Variants in USP10 observed in about 807,000 individuals in gnomAD.
USP10 encodes ubiquitin specific peptidase 10.
In USP10, 22 loss-of-function variants were observed where a neutral mutation model predicts 84.5. The observed-to-expected ratio is 0.26, with a 90% confidence interval of 0.19 to 0.37. USP10 has a LOEUF of 0.37. USP10 is among the 10% of genes least tolerant of loss of function. The probability of loss-of-function intolerance (pLI) is 1.00; values close to 1 mark genes in which losing one functional copy is unlikely to be tolerated. For missense variants in USP10, 1,019 were observed against 998.9 expected, an observed-to-expected ratio of 1.02 and a Z score of -0.27; for synonymous variants, 454 against 387.6, an observed-to-expected ratio of 1.17 and a Z score of -2.01.
intron 1 of USP10, among the ~76,000 whole-genome samples, chr16:84,706,452 C>G (rs561527947): frequency 1.3e-5 from 2 of 149,964 alleles, no homozygotes; most frequent in Non-Finnish European, 1.5e-5. Flanking sequence ...ATTTCCCTTA[C>G]GTGGCTGCAA....
chr16:84,742,387 G>C (rs1221723624), intron 3 of USP10, among the ~76,000 whole-genome samples: 1 of 152,090 alleles, frequency 6.6e-6, no homozygotes, highest in Non-Finnish European at 1.5e-5. Flanking sequence ...CTCCCTCCAT[G>C]TTTTCATTCT....
intron 1 of USP10, among the ~76,000 whole-genome samples, chr16:84,724,350 A>G (rs969254882): frequency 6.6e-6 from 1 of 152,228 alleles, no homozygotes; most frequent in Non-Finnish European, 1.5e-5. Context: ...CCATGAAAGC[A>G]CTTAATATAC....
intron 12 of USP10, among the ~76,000 whole-genome samples, chr16:84,773,925 C>G (rs173419): frequency 6.6e-6 from 1 of 151,960 alleles, no homozygotes; most frequent in Non-Finnish European, 1.5e-5. Context: ...TTTTTATATC[C>G]GCTGCCACCT....
intron 8 of USP10, among the ~76,000 whole-genome samples, chr16:84,761,002 G>A (rs1913141472): frequency 6.6e-6 from 1 of 152,134 alleles, no homozygotes; most frequent in African/African-American, 2.4e-5. Flanking sequence ...GAATGTCGAG[G>A]GCATCGTTGC....
chr16:84,729,820 C>T (rs117520594), intron 1 of USP10, among the ~76,000 whole-genome samples: 5 of 152,108 alleles, frequency 3.3e-5, no homozygotes, highest in African/African-American at 9.7e-5. Flanking sequence ...TCAAAACAGC[C>T]GTGGCTAGTG....
intron 10 of USP10, among the ~76,000 whole-genome samples, chr16:84,766,524 C>T (rs1233090733): frequency 1.3e-5 from 2 of 152,214 alleles, no homozygotes; most frequent in African/African-American, 2.4e-5. Flanking sequence ...TGAGGACACC[C>T]CCTCGGGATG....
intron 4 of USP10, among the ~76,000 whole-genome samples, chr16:84,754,968 C>T (rs917249835): frequency 2.0e-5 from 3 of 147,596 alleles, no homozygotes; most frequent in Non-Finnish European, 4.5e-5. Context: ...TGGCAAAACC[C>T]TGTCTCTAGA....
chr16:84,728,314 A>G (rs909836081), intron 1 of USP10, among the ~76,000 whole-genome samples: 8 of 152,172 alleles, frequency 5.3e-5, no homozygotes, highest in Non-Finnish European at 1.0e-4. Flanking sequence ...GAATAAATTG[A>G]ATAAATAATT....
At chr16:84,701,711 C>G (rs1295391140) in intron 1 of USP10, among the ~76,000 whole-genome samples, 1 of 152,102 alleles carries the variant, frequency 6.6e-6, no homozygotes, top group African/African-American at 2.4e-5. Flanking sequence ...AATATGTAAA[C>G]TTAATTGTAA....
At chr16:84,730,068 C>G (rs1909008398) in intron 1 of USP10, among the ~76,000 whole-genome samples, 1 of 151,516 alleles carries the variant, frequency 6.6e-6, no homozygotes, top group Admixed American at 6.6e-5. Context: ...GTATGTAGTC[C>G]CCTCCCAAGA....
chr16:84,741,100 G>C (rs1485505150), intron 3 of USP10, among the ~76,000 whole-genome samples: 1 of 152,232 alleles, frequency 6.6e-6, no homozygotes, highest in Non-Finnish European at 1.5e-5. Flanking sequence ...TTGAGAGTTA[G>C]AGGTTTGGAT....
At position 84,700,125 on chromosome 16, in the gene USP10, T is replaced by C; in HGVS notation, c.21+14T>C. Reference sequence around the variant, plus strand: ...CACAGCCCGCAGGTAGCCGCCGGTCTGCGCCTTCGGCCGGAAGGGGCCCGA... The same window carrying C: ...CACAGCCCGCAGGTAGCCGCCGGTCCGCGCCTTCGGCCGGAAGGGGCCCGA... On this transcript the variant is annotated intron_variant, in intron 1 of 13. Coordinates refer to ENST00000219473, the MANE Select transcript of USP10 (RefSeq NM_005153.3). 3.0e-6 allele frequency: 4 copies of C among 1,340,062 alleles called. No individual in the cohort carries two copies. Among genetic ancestry groups the C allele is most frequent in the Non-Finnish European group, 9.8e-7 (1 of 1,023,966 alleles). The allele number at this position is 1,340,062 out of a possible 1,614,324, so 83.0% of individuals were successfully genotyped here.
intron 2 of USP10, among the ~76,000 whole-genome samples, chr16:84,739,714 G>A (rs1037823414): frequency 1.3e-5 from 2 of 152,226 alleles, no homozygotes; most frequent in African/African-American, 4.8e-5. Flanking sequence ...AAGTCAGACA[G>A]TTCCCATTCT....
At chr16:84,705,048 T>G (rs1905297491) in intron 1 of USP10, among the ~76,000 whole-genome samples, 1 of 152,238 alleles carries the variant, frequency 6.6e-6, no homozygotes, top group Non-Finnish European at 1.5e-5. Flanking sequence ...GTTGGGCTTG[T>G]GTGTACAGCC....
chr16:84,744,828 A>G lies in USP10; in HGVS notation c.347A>G (p.Gln116Arg), dbSNP rs1467682392. Residue 116 changes from glutamine (Q) to arginine (R), a missense_variant, in exon 4 of 14, where the codon CAG (glutamine) becomes CGG (arginine). Gln to Arg is a conservative substitution (Grantham distance 43). Coordinates refer to ENST00000219473, the MANE Select transcript of USP10 (RefSeq NM_005153.3). Reference protein sequence around the residue: ...KEASYGSIDCQYPGSALALDG... With the variant: ...KEASYGSIDCRYPGSALALDG... Reference sequence around the variant, plus strand: ...GCAAGCTATGGCTCCATCGACTGCCAGTACCCAGGCTCTGCCCTCGCTTTG... The same window carrying G: ...GCAAGCTATGGCTCCATCGACTGCCGGTACCCAGGCTCTGCCCTCGCTTTG... 4.3e-6 allele frequency: 7 copies of G among 1,613,706 alleles called. No homozygotes were observed. Among genetic ancestry groups the G allele is most frequent in the Non-Finnish European group, 5.9e-6 (7 of 1,179,738 alleles).
intron 2 of USP10, 23 bp from the exon 3 acceptor site, chr16:84,740,286 T>C: frequency 2.5e-6 from 4 of 1,601,170 alleles, no homozygotes; most frequent in Non-Finnish European, 3.4e-6. Context: ...GAATTAAAAT[T>C]TGTTTTCTGA....
intron 10 of USP10, among the ~76,000 whole-genome samples, chr16:84,766,467 A>G (rs939466844): frequency 6.6e-6 from 1 of 152,312 alleles, no homozygotes; most frequent in Middle Eastern, 3.4e-3. Context: ...CAGCGAGGGA[A>G]GGCTGTGCCC....
chr16:84,702,761 G>A (rs1380427182), intron 1 of USP10, among the ~76,000 whole-genome samples: 1 of 152,092 alleles, frequency 6.6e-6, no homozygotes, highest in Non-Finnish European at 1.5e-5. Context: ...GGGAGGCGCA[G>A]GTGGGTGGAT....
intron 10 of USP10, among the ~76,000 whole-genome samples, chr16:84,767,460 C>A (rs1408958416): frequency 6.6e-6 from 1 of 152,156 alleles, no homozygotes; most frequent in Non-Finnish European, 1.5e-5. Context: ...CACCCTACTC[C>A]CCTTCTTCTT....
Sources: gnomAD v4.1 joint callset for allele counts (sites outside exome capture counted in the v4.1 genomes callset) on GRCh38, gnomAD v4.1.1 for gene constraint, MANE v1.5 for transcripts, NCBI Gene and HGNC (gene_info 2026-07-23, HGNC 2026-07-21) for gene names.